CLEC17A: variants seen among roughly 807,000 people sequenced by gnomAD.
CLEC17A encodes C-type lectin domain containing 17A.
Under a neutral mutation model 61.3 loss-of-function variants are expected in CLEC17A, and 37 were observed. The observed-to-expected ratio is 0.60, with a 90% CI of 0.46 to 0.79. The LOEUF (loss-of-function observed/expected upper bound fraction) is 0.79, where lower values mean the gene tolerates loss of function less well. Among genes scored for constraint, CLEC17A ranks in the 30% least tolerant of loss-of-function variants. The pLI, the probability that CLEC17A is intolerant of heterozygous loss-of-function variation, is 0.00. For missense variants in CLEC17A, 418 were observed against 464.7 expected (o/e 0.90, Z 0.92); for synonymous variants, 168 against 164.9 (o/e 1.02, Z -0.14).
intron 12 of CLEC17A, 86 bp from the exon 13 acceptor site, chr19:14,606,907 A>T: frequency 1.7e-6 from 1 of 572,960 alleles, no homozygotes; most frequent in East Asian, 3.7e-5. Flanking sequence ...CCCAAGCCCT[A>T]AATATGTAGG....
At chr19:14,592,229 G>A in intron 3 of CLEC17A, 52 bp from the exon 4 acceptor site, 4 of 1,518,446 alleles carry the variant, frequency 2.6e-6, no homozygotes, top group Non-Finnish European at 3.6e-6. Context: ...AGGGCTTGAG[G>A]GATGGAGGGA....
chr19:14,594,116 C>T (rs917865551), intron 4 of CLEC17A, among the ~76,000 whole-genome samples: 1 of 151,980 alleles, frequency 6.6e-6, no homozygotes, highest in Non-Finnish European at 1.5e-5. Context: ...AATCCTGTCT[C>T]TACTAAAAAT....
intron 12 of CLEC17A, among the ~76,000 whole-genome samples, chr19:14,601,274 C>A (rs1414709327): frequency 6.6e-6 from 1 of 152,112 alleles, no homozygotes; most frequent in Non-Finnish European, 1.5e-5. Flanking sequence ...CGAGGGAAAT[C>A]ATACATTGAC....
intron 13 of CLEC17A, 103 bp downstream of exon 13, chr19:14,607,205 GTTTC>G (rs1251873382): frequency 5.9e-5 from 24 of 406,100 alleles, no homozygotes; most frequent in Admixed American, 1.9e-4. Context: ...GTCAGGAGCT[GTTTC>G]TTTTTTTTTT....
intron 3 of CLEC17A, 144 bp downstream of exon 3, chr19:14,587,835 G>T: frequency 6.6e-7 from 1 of 1,505,694 alleles, no homozygotes; most frequent in Non-Finnish European, 8.9e-7. Context: ...CCCTGCCCAG[G>T]AGGACCTGTC....
Position 14,592,306 on chromosome 19 carries a change from T to G in CLEC17A, c.225T>G (p.Asp75Glu), listed in dbSNP as rs753137908. Reference protein sequence around the residue: ...KPGTMEEEEEDDDYENSTPPY... With the variant: ...KPGTMEEEEEEDDYENSTPPY... ...GGACCATGGAGGAGGAGGAGGAGGA[T>G]GATGACTATGAGAACTCAACACCTC... The change falls in exon 4 of 14, where the codon GAT becomes GAG. Residue 75 changes from aspartate to glutamate, a missense_variant. Asp to Glu is a conservative substitution (Grantham distance 45, BLOSUM62 2). Coordinates refer to ENST00000417570, the MANE Select transcript of CLEC17A (RefSeq NM_001204118.2). 17 of 1,601,788 alleles carry G rather than the reference T, an allele frequency of 1.1e-5. No individual in the cohort carries two copies. The highest frequency in any genetic ancestry group is 1.4e-5 in the Non-Finnish European group (16 of 1,174,364).
At chr19:14,587,800 C>A in intron 3 of CLEC17A, 109 bp downstream of exon 3, 1 of 1,545,522 alleles carries the variant, frequency 6.5e-7, no homozygotes. Context: ...CTACACAGCC[C>A]ATGCCGGGCA....
intron 2 of CLEC17A, among the ~76,000 whole-genome samples, chr19:14,586,351 C>T (rs541769935): frequency 3.9e-5 from 6 of 152,090 alleles, no homozygotes; most frequent in East Asian, 3.9e-4. Flanking sequence ...CTCGAACTCC[C>T]GACCTCAGGT....
intron 10 of CLEC17A, among the ~76,000 whole-genome samples, chr19:14,599,343 C>T (rs1427087472): frequency 2.0e-5 from 3 of 152,122 alleles, no homozygotes; most frequent in East Asian, 3.9e-4. Context: ...CCACCTCGGC[C>T]TCCCAAAGTG....
chr19:14,587,314 C>T (rs893564405), intron 2 of CLEC17A, among the ~76,000 whole-genome samples: 2 of 151,464 alleles, frequency 1.3e-5, no homozygotes, highest in Non-Finnish European at 2.9e-5. Flanking sequence ...TTTGCCTGTA[C>T]TTGACTTTGA....
At chr19:14,599,860 C>A in intron 11 of CLEC17A, 48 bp downstream of exon 11, 1 of 1,544,960 alleles carries the variant, frequency 6.5e-7, no homozygotes, top group Non-Finnish European at 8.9e-7. Context: ...CATGGCAGAG[C>A]TGGCACATTA....
intron 12 of CLEC17A, among the ~76,000 whole-genome samples, 180 bp downstream of exon 12, chr19:14,600,362 G>T (rs1402846402): frequency 2.6e-5 from 4 of 152,168 alleles, no homozygotes; most frequent in African/African-American, 9.7e-5. Flanking sequence ...GACATGCTTT[G>T]TTTTTGAGTT....
chr19:14,583,311 A>C, intron 1 of CLEC17A, 46 bp from the exon 2 acceptor site: 1 of 1,608,402 alleles, frequency 6.2e-7, no homozygotes, highest in Non-Finnish European at 8.5e-7. Context: ...TGAGGGATGG[A>C]GGGAGGAGGG....
At chr19:14,583,493 G>A (rs192002147) in intron 2 of CLEC17A, 59 bp downstream of exon 2, 1 of 1,604,618 alleles carries the variant, frequency 6.2e-7, no homozygotes, top group Non-Finnish European at 8.5e-7. Context: ...TCTCCAGTGG[G>A]CATTGGTTGG....
At chr19:14,592,232 T>C in intron 3 of CLEC17A, 49 bp from the exon 4 acceptor site, 2 of 1,522,020 alleles carry the variant, frequency 1.3e-6, no homozygotes, top group Non-Finnish European at 1.8e-6. Flanking sequence ...GCTTGAGGGA[T>C]GGAGGGAGGA....
chr19:14,593,703 G>A (rs2074476315), intron 4 of CLEC17A, among the ~76,000 whole-genome samples: 1 of 152,034 alleles, frequency 6.6e-6, no homozygotes, highest in Admixed American at 6.6e-5. Flanking sequence ...GCTCACGCCT[G>A]TAATCCCAGC....
rs1599523522 is a variant in CLEC17A at position 14,583,228 on chromosome 19, T to A, written c.43+25T>A. 9 of 1,613,596 alleles carry A rather than the reference T, an allele frequency of 5.6e-6. No homozygotes were observed. The South Asian group carries it at 8.8e-5, about 16-fold the overall frequency. On this transcript the variant is annotated intron_variant, in intron 1 of 13. Transcript: ENST00000417570. Reference sequence around the variant, plus strand: ...GGTAAGGCCCCGGCCAGGCTGGGGCTGGGGCCTAGGTGTGGTCAGGACCCA... The same window carrying A: ...GGTAAGGCCCCGGCCAGGCTGGGGCAGGGGCCTAGGTGTGGTCAGGACCCA...
upstream of CLEC17A, chr19:14,582,985 G>T (rs1453277863): frequency 4.9e-6 from 3 of 618,170 alleles, no homozygotes; most frequent in South Asian, 1.9e-5. Context: ...GTGTGTGTGT[G>T]TGTGTTTGTG....
At chr19:14,587,223 C>T (rs1466655289) in intron 2 of CLEC17A, among the ~76,000 whole-genome samples, 1 of 140,814 alleles carries the variant, frequency 7.1e-6, no homozygotes, top group Non-Finnish European at 1.5e-5. Context: ...AGTCCAAACT[C>T]CAGAGAAAGA....
Sources: allele counts gnomAD v4.1 joint callset (sites outside exome capture counted in the v4.1 genomes callset), GRCh38; gene constraint gnomAD v4.1.1; transcripts MANE v1.5; gene names NCBI Gene and HGNC (gene_info 2026-07-23, HGNC 2026-07-21).